KIAA1549L: variants seen among roughly 807,000 people sequenced by gnomAD.
KIAA1549L encodes KIAA1549 like, also known as UPF0606 protein KIAA1549L.
In KIAA1549L, 88 loss-of-function variants were observed where a neutral mutation model predicts 160.7. The observed-to-expected ratio is 0.55, with a 90% confidence interval of 0.46 to 0.65. The LOEUF (loss-of-function observed/expected upper bound fraction) is 0.65, where lower values mean the gene tolerates loss of function less well. Ranked by LOEUF, KIAA1549L falls within the 30% of genes least tolerant of loss-of-function variation. The pLI, the probability that KIAA1549L is intolerant of heterozygous loss-of-function variation, is 0.00. For missense variants in KIAA1549L, 2,258 were observed against 2,437.5 expected (o/e 0.93, Z 1.55); for synonymous variants, 950 against 976.7 (o/e 0.97, Z 0.51).
intron 1 of KIAA1549L, among the ~76,000 whole-genome samples, chr11:33,490,815 A>G (rs1032152151): frequency 6.6e-6 from 1 of 152,158 alleles, no homozygotes; most frequent in Non-Finnish European, 1.5e-5. Context: ...ATTACCTGGG[A>G]TCTTATCAAA....
At chr11:33,388,187 C>T (rs532292132) in intron 1 of KIAA1549L, among the ~76,000 whole-genome samples, 3 of 152,210 alleles carry the variant, frequency 2.0e-5, no homozygotes, top group Non-Finnish European at 4.4e-5. Context: ...CTCACAGTTC[C>T]GCATGGCTGG....
At chr11:33,644,550 G>A (rs919269305) in intron 16 of KIAA1549L, among the ~76,000 whole-genome samples, 1 of 152,210 alleles carries the variant, frequency 6.6e-6, no homozygotes, top group African/African-American at 2.4e-5. Context: ...TTTTTACCAT[G>A]TGCTACTATT....
rs1288451442 is a variant in KIAA1549L, at chr11:33,543,926, A to G, written c.2363A>G (p.Gln788Arg). Residue 788 changes from glutamine to arginine, a missense_variant, in exon 2 of 21, where the codon CAA becomes CGA. This residue lies in a region of KIAA1549L where 287 missense variants were observed against 292.3 expected (regional missense o/e 0.98). Transcript: ENST00000658780. ...VLGTSIEQPV[Q>R]QSDMTMVGSH... The stretch of plus-strand genomic sequence containing the variant: ...GGTACAAGCATTGAGCAGCCTGTGC[A>G]ACAGTCAGACATGACCATGGTTGGA... 6.2e-7 allele frequency: 1 copy of G among 1,614,032 alleles called. No individual in the cohort carries two copies.
intron 12 of KIAA1549L, among the ~76,000 whole-genome samples, chr11:33,591,823 G>C (rs1850063562): frequency 6.6e-6 from 1 of 152,192 alleles, no homozygotes. Flanking sequence ...TATAAGCAGA[G>C]CACTTTGAAG....
chr11:33,436,592 A>G (rs1237156749), intron 1 of KIAA1549L, among the ~76,000 whole-genome samples: 1 of 152,268 alleles, frequency 6.6e-6, no homozygotes. Flanking sequence ...CCTGTGGCCC[A>G]GTCAGTTTGA....
intron 1 of KIAA1549L, among the ~76,000 whole-genome samples, chr11:33,414,724 T>C (rs867534138): frequency 2.7e-4 from 41 of 152,220 alleles, no homozygotes; most frequent in African/African-American, 9.6e-4. Flanking sequence ...ATTGTATTAT[T>C]GTTTTAATGT....
At chr11:33,662,283 A>G (rs570020831) in intron 20 of KIAA1549L, among the ~76,000 whole-genome samples, 2 of 151,972 alleles carry the variant, frequency 1.3e-5, no homozygotes, top group South Asian at 4.2e-4. Context: ...ATGTCCCCAC[A>G]TCTAGTAATA....
rs765326845 is a variant in KIAA1549L, at chr11:33,510,255, G to A, written c.239-31547G>A. ...GACTGGAGTGCACTGCTGTGATCTCGGCTTACTGCAACCTCTACCTCCCGG... is the reference window on the plus strand; with the variant it reads ...GACTGGAGTGCACTGCTGTGATCTCAGCTTACTGCAACCTCTACCTCCCGG... On this transcript the variant is annotated intron_variant, in intron 1 of 20. Transcript: ENST00000658780. 3.6e-4 allele frequency among the ~76,000 whole-genome samples: 54 copies of A among 151,910 alleles called. No individual in the cohort carries two copies. The Middle Eastern group carries it at 0.01, about 29-fold the overall frequency.
At chr11:33,499,999 T>G (rs1329572713) in intron 1 of KIAA1549L, among the ~76,000 whole-genome samples, 3 of 152,210 alleles carry the variant, frequency 2.0e-5, no homozygotes, top group Non-Finnish European at 4.4e-5. Flanking sequence ...ACCCTTCTTC[T>G]TTCACTGATA....
At chr11:33,578,627 C>G (rs555062635) in intron 10 of KIAA1549L, among the ~76,000 whole-genome samples, 5 of 152,356 alleles carry the variant, frequency 3.3e-5, no homozygotes, top group African/African-American at 1.2e-4. Context: ...AATCCAAACT[C>G]CTGTCTTCAC....
chr11:33,561,996 A>G (rs375026706), intron 8 of KIAA1549L, among the ~76,000 whole-genome samples: 3 of 152,222 alleles, frequency 2.0e-5, no homozygotes, highest in Admixed American at 6.5e-5. Context: ...AGAAGTTACA[A>G]TGTTAACCGA....
At chr11:33,394,410 T>TAAAC (rs572387993) in intron 1 of KIAA1549L, among the ~76,000 whole-genome samples, 2 of 93,064 alleles carry the variant, frequency 2.1e-5, no homozygotes, top group African/African-American at 6.8e-5. Flanking sequence ...AATAAATAAA[T>TAAAC]AAATAAATAA....
At chr11:33,479,505 G>C (rs1429350147) in intron 1 of KIAA1549L, among the ~76,000 whole-genome samples, 1 of 152,210 alleles carries the variant, frequency 6.6e-6, no homozygotes, top group African/African-American at 2.4e-5. Context: ...ATGACAAGCT[G>C]GCCCTTGAAG....
chr11:33,463,124 C>T (rs1018638298), intron 1 of KIAA1549L, among the ~76,000 whole-genome samples: 3 of 152,188 alleles, frequency 2.0e-5, no homozygotes, highest in Admixed American at 6.5e-5. Flanking sequence ...CCACCATGCT[C>T]AGCCAGCTTT....
chr11:33,593,703 G>C (rs1365796391), intron 12 of KIAA1549L, among the ~76,000 whole-genome samples: 4 of 152,198 alleles, frequency 2.6e-5, no homozygotes, highest in African/African-American at 9.7e-5. Context: ...TATTGTGTTG[G>C]GGGATACTGG....
intron 1 of KIAA1549L, among the ~76,000 whole-genome samples, chr11:33,434,400 C>T (rs1223557480): frequency 6.6e-6 from 1 of 152,308 alleles, no homozygotes; most frequent in Non-Finnish European, 1.5e-5. Flanking sequence ...TCAATTAAAT[C>T]TCTTTCTTTT....
At chr11:33,661,303 C>G (rs1852252786) in intron 20 of KIAA1549L, among the ~76,000 whole-genome samples, 1 of 152,198 alleles carries the variant, frequency 6.6e-6, no homozygotes, top group South Asian at 2.1e-4. Flanking sequence ...TGAGTATTTT[C>G]TATCTACTAG....
chr11:33,440,120 C>CTTTTTTT lies in KIAA1549L; in HGVS notation c.238+63252_238+63258dup, dbSNP rs201551936. On this transcript the variant is annotated intron_variant, in intron 1 of 20. Transcript: ENST00000658780. ...GGTTATTTCCTCACCTATTTTGTTT[C>CTTTTTTT]TTTTTTTTTTTTTTTTTTTTTTTTT... Among the ~76,000 whole-genome samples, 9 of 83,430 alleles carry CTTTTTTT rather than the reference C, an allele frequency of 1.1e-4. 1 individual carries two copies. Among genetic ancestry groups the CTTTTTTT allele is most frequent in the African/African-American group, 2.8e-4 (6 of 21,322 alleles). 54.7% of individuals were successfully genotyped at this position (83,430 alleles called of 152,430 possible). A position where few individuals can be genotyped will look rare whatever the true frequency, so the allele number is the denominator to read the frequency against.
At chr11:33,663,958 G>A (rs1376288607) in intron 20 of KIAA1549L, among the ~76,000 whole-genome samples, 1 of 152,182 alleles carries the variant, frequency 6.6e-6, no homozygotes, top group East Asian at 1.9e-4. Context: ...TTTGAGCTGA[G>A]ATCTGAAATA....
Sources: allele counts gnomAD v4.1 joint callset (sites outside exome capture counted in the v4.1 genomes callset), GRCh38; gene constraint gnomAD v4.1.1; regional missense constraint gnomAD v4.1.1; transcripts MANE v1.5; gene names NCBI Gene and HGNC (gene_info 2026-07-23, HGNC 2026-07-21).